The following ADCY8 variants were observed in gnomAD, a reference collection of about 807,000 sequenced individuals.
ADCY8 encodes adenylate cyclase type 8.
A neutral mutation model predicts 119.7 loss-of-function variants in ADCY8; 51 were observed. The observed-to-expected ratio is 0.43, with a 90% CI of 0.34 to 0.54. ADCY8 has a LOEUF of 0.54. Among genes scored for constraint, ADCY8 ranks in the 20% least tolerant of loss-of-function variants. The probability of loss-of-function intolerance (pLI) is 0.03; values close to 1 mark genes in which losing one functional copy is unlikely to be tolerated. For missense variants in ADCY8, 1,383 were observed against 1,598.8 expected, an observed-to-expected ratio of 0.87 and a Z score of 2.30; for synonymous variants, 665 against 651.0, an observed-to-expected ratio of 1.02 and a Z score of -0.33.
At chr8:130,947,140 T>C (rs1427825178) in intron 3 of ADCY8, among the ~76,000 whole-genome samples, 3 of 152,202 alleles carry the variant, frequency 2.0e-5, no homozygotes, top group Non-Finnish European at 4.4e-5. Flanking sequence ...AAATTGTTTA[T>C]TTGGCTAAAA....
At chr8:130,842,083 G>A (rs1469356812) in intron 11 of ADCY8, among the ~76,000 whole-genome samples, 1 of 152,186 alleles carries the variant, frequency 6.6e-6, no homozygotes, top group Non-Finnish European at 1.5e-5. Flanking sequence ...TGGTGCTCTA[G>A]TACACTCCTA....
At chr8:130,912,701 C>G (rs920180681) in intron 5 of ADCY8, among the ~76,000 whole-genome samples, 1 of 152,068 alleles carries the variant, frequency 6.6e-6, no homozygotes, top group Non-Finnish European at 1.5e-5. Flanking sequence ...AGGCAGGCAA[C>G]CTGTGAACAT....
intron 5 of ADCY8, among the ~76,000 whole-genome samples, chr8:130,930,452 C>T (rs999739536): frequency 1.2e-4 from 19 of 152,036 alleles, no homozygotes; most frequent in Middle Eastern, 3.2e-3. Context: ...AGGGTTTCAC[C>T]GTGTTAACCA....
rs145664620 is a variant in ADCY8, at chr8:130,958,802, T to C, written c.1111-6804A>G. ...GAAACAGCCAAACCATATCACACTCTTTTCCTGTTTTATTTATTTTTTCTT... is the reference window on the plus strand; with the variant it reads ...GAAACAGCCAAACCATATCACACTCCTTTCCTGTTTTATTTATTTTTTCTT... On this transcript the variant is annotated intron_variant, in intron 2 of 17. Coordinates refer to ENST00000286355, the MANE Select transcript of ADCY8 (RefSeq NM_001115.3). 7.7e-3 allele frequency among the ~76,000 whole-genome samples: 1,173 copies of C among 152,328 alleles called. 20 individuals are homozygous for C. Among genetic ancestry groups the C allele is most frequent in the African/African-American group, 0.026 (1,086 of 41,572 alleles).
At chr8:130,808,405 A>G (rs553660378) in intron 14 of ADCY8, among the ~76,000 whole-genome samples, 2 of 152,330 alleles carry the variant, frequency 1.3e-5, no homozygotes, top group African/African-American at 4.8e-5. Context: ...GCCAACAACC[A>G]GTGTGCGTTT....
chr8:130,914,103 A>G (rs1820059069), intron 5 of ADCY8, among the ~76,000 whole-genome samples: 1 of 152,226 alleles, frequency 6.6e-6, no homozygotes. Flanking sequence ...CCTATGGCCC[A>G]GAGCTGGTAA....
In ADCY8 at chr8:130,990,497, T is replaced by C. The variant is rs1447719108; in HGVS notation, c.1006A>G (p.Ile336Val). The C allele has an allele frequency of 6.2e-7, 1 of 1,614,200 alleles. No individual in the cohort carries two copies. Among genetic ancestry groups the C allele is most frequent in the South Asian group, 1.1e-5 (1 of 91,088 alleles). Residue 336 changes from isoleucine to valine, a missense_variant, in exon 2 of 18, where the codon ATC becomes GTC. Physicochemically the swap from Ile to Val is conservative, Grantham distance 29. This residue lies in a region of ADCY8 where 928 missense variants were observed against 1,163.5 expected (regional missense o/e 0.80). Transcript: ENST00000286355. ...CGGTCTGACAGGTAACTGATGAAGA[T>C]TCCAGCTGTGTTCATACACATGAAT... ...VLFMCMNTAG[I>V]FISYLSDRAQ...
chr8:130,783,950 C>G (rs1256392052), intron 16 of ADCY8, 145 bp from the exon 17 acceptor site: 2 of 607,146 alleles, frequency 3.3e-6, no homozygotes, highest in South Asian at 4.0e-5. Flanking sequence ...CCCCTCTACA[C>G]TCAAGTCACT....
Position 130,780,573 on chromosome 8 carries a change from G to A in ADCY8, c.3573C>T (p.Ser1191=), listed in dbSNP as rs1815044335. The part of the protein sequence containing the change: ...LPPRRLPGQY[S]LAAVVLGLVQ... ...CAAGTCCCAGGACAACCGCGGCCAGGGAGTACTGCCCAGGCAGTCTTCTTG... is the reference window on the plus strand; with the variant it reads ...CAAGTCCCAGGACAACCGCGGCCAGAGAGTACTGCCCAGGCAGTCTTCTTG... The change falls in exon 18 of 18, where the codon TCC becomes TCT. Residue 1191 remains serine (S), a synonymous_variant. Coordinates refer to ENST00000286355, the MANE Select transcript of ADCY8 (RefSeq NM_001115.3). 6.2e-7 allele frequency: 1 copy of A among 1,614,144 alleles called. No homozygotes were observed. Among genetic ancestry groups the A allele is most frequent in the Non-Finnish European group, 8.5e-7 (1 of 1,180,026 alleles).
At chr8:130,988,965 A>G (rs1026045853) in intron 2 of ADCY8, among the ~76,000 whole-genome samples, 1 of 152,244 alleles carries the variant, frequency 6.6e-6, no homozygotes, top group Non-Finnish European at 1.5e-5. Context: ...ATATGGCAGC[A>G]TTCTCTGAAT....
intron 8 of ADCY8, among the ~76,000 whole-genome samples, chr8:130,876,696 G>A (rs1304507477): frequency 6.6e-6 from 1 of 150,664 alleles, no homozygotes; most frequent in Non-Finnish European, 1.5e-5. Flanking sequence ...GACATGTGTG[G>A]ATATTTGTGT....
chr8:130,797,140 C>T (rs1385584018), intron 15 of ADCY8, among the ~76,000 whole-genome samples: 6 of 152,216 alleles, frequency 3.9e-5, no homozygotes, highest in African/African-American at 9.6e-5. Flanking sequence ...GTCCAACCTG[C>T]GGCCCACTGG....
intron 1 of ADCY8, among the ~76,000 whole-genome samples, chr8:131,022,644 A>T (rs977719144): frequency 2.6e-5 from 4 of 152,138 alleles, no homozygotes; most frequent in Admixed American, 2.6e-4. Context: ...ACAGGCAGCA[A>T]GTGCCGGCCA....
chr8:130,980,939 C>A (rs1822220463), intron 2 of ADCY8, among the ~76,000 whole-genome samples: 1 of 152,214 alleles, frequency 6.6e-6, no homozygotes, highest in South Asian at 2.1e-4. Flanking sequence ...CAACAGTATA[C>A]ACTAAACACT....
chr8:130,891,635 T>C (rs948661888), intron 7 of ADCY8, among the ~76,000 whole-genome samples: 1 of 152,138 alleles, frequency 6.6e-6, no homozygotes, highest in Non-Finnish European at 1.5e-5. Context: ...GAATGCTTGT[T>C]ATGTTTGAAA....
intron 6 of ADCY8, among the ~76,000 whole-genome samples, chr8:130,906,395 T>G (rs981807374): frequency 6.6e-6 from 1 of 152,234 alleles, no homozygotes; most frequent in Non-Finnish European, 1.5e-5. Context: ...CTTTTAGCAT[T>G]TCTCTGGATT....
intron 14 of ADCY8, among the ~76,000 whole-genome samples, chr8:130,801,899 C>CTTTTTTTT (rs34853195): frequency 2.0e-5 from 2 of 97,794 alleles, no homozygotes; most frequent in Non-Finnish European, 3.9e-5. Flanking sequence ...TTGAGAATGC[C>CTTTTTTTT]TTTTTTTTTT....
chr8:130,787,701 C>T (rs1328888019), intron 15 of ADCY8, among the ~76,000 whole-genome samples: 1 of 147,390 alleles, frequency 6.8e-6, no homozygotes, highest in Non-Finnish European at 1.5e-5. Flanking sequence ...TGTCCACATG[C>T]ATGCATTTGT....
chr8:131,012,536 G>T (rs1338064272), intron 1 of ADCY8, among the ~76,000 whole-genome samples: 1 of 152,222 alleles, frequency 6.6e-6, no homozygotes, highest in East Asian at 1.9e-4. Context: ...TACAAGGGGT[G>T]CACCGTGGTG....
Sources: allele counts gnomAD v4.1 joint callset (sites outside exome capture counted in the v4.1 genomes callset), GRCh38; gene constraint gnomAD v4.1.1; regional missense constraint gnomAD v4.1.1; transcripts MANE v1.5; gene names NCBI Gene and HGNC (gene_info 2026-07-23, HGNC 2026-07-21).